Variants in BICC1 observed in about 807,000 individuals in gnomAD.
BICC1 encodes BicC family RNA binding protein 1, also known as protein bicaudal C homolog 1.
A neutral mutation model predicts 111.0 loss-of-function variants in BICC1; 43 were observed. The ratio of observed to expected loss-of-function variants is 0.39; its 90% CI spans 0.30 to 0.50. The LOEUF (loss-of-function observed/expected upper bound fraction) is 0.50. Among genes scored for constraint, BICC1 ranks in the 20% least tolerant of loss-of-function variants. The pLI is 0.88. For missense variants in BICC1, 1,091 were observed against 1,203.2 expected, an observed-to-expected ratio of 0.91 and a Z score of 1.38; for synonymous variants, 467 against 434.4, an observed-to-expected ratio of 1.07 and a Z score of -0.93.
chr10:58,547,734 T>C (rs1843179034), intron 1 of BICC1, among the ~76,000 whole-genome samples: 2 of 152,224 alleles, frequency 1.3e-5, no homozygotes, highest in Non-Finnish European at 2.9e-5. Flanking sequence ...AATACTTGTT[T>C]ATTTCATTGA....
intron 2 of BICC1, among the ~76,000 whole-genome samples, chr10:58,640,422 CT>C (rs559815508): frequency 4.1e-4 from 62 of 152,270 alleles, no homozygotes; most frequent in Admixed American, 2.6e-3. Context: ...TGCATTGTGG[CT>C]TTTTTACATG....
chr10:58,638,276 A>G (rs182262392), intron 2 of BICC1, among the ~76,000 whole-genome samples: 1 of 152,126 alleles, frequency 6.6e-6, no homozygotes, highest in Non-Finnish European at 1.5e-5. Flanking sequence ...TTAATGTTAT[A>G]GAAAATAACA....
chr10:58,740,077 T>C (rs577956881), intron 3 of BICC1, among the ~76,000 whole-genome samples: 1 of 152,168 alleles, frequency 6.6e-6, no homozygotes, highest in Non-Finnish European at 1.5e-5. Context: ...AGTTTCCTTA[T>C]ATGTAAAACA....
intron 10 of BICC1, among the ~76,000 whole-genome samples, chr10:58,797,423 A>G (rs1046665385): frequency 6.6e-6 from 1 of 152,078 alleles, no homozygotes; most frequent in Non-Finnish European, 1.5e-5. Context: ...ATGCTCTTAT[A>G]TGATTGATTT....
chr10:58,829,076 T>C lies in BICC1; in HGVS notation c.*185T>C, dbSNP rs1053677315. On this transcript the variant is annotated 3_prime_UTR_variant, in exon 21 of 21. Coordinates refer to ENST00000373886, the MANE Select transcript of BICC1 (RefSeq NM_001080512.3). ...GAGAGAAGATGTTCTTATGATGTCA[T>C]ACAGAACACCAAATATGGATTACTT... 1.0e-5 allele frequency: 6 copies of C among 587,082 alleles called. No homozygotes were observed. Among genetic ancestry groups the C allele is most frequent in the Non-Finnish European group, 1.7e-5 (6 of 357,568 alleles). The allele number at this position is 587,082 out of a possible 1,614,324, so 36.4% of individuals were successfully genotyped here.
intron 3 of BICC1, among the ~76,000 whole-genome samples, chr10:58,771,186 T>C (rs961128281): frequency 5.9e-5 from 9 of 151,758 alleles, no homozygotes; most frequent in Non-Finnish European, 1.0e-4. Flanking sequence ...AAAGAAAAAG[T>C]GATTGAGAAT....
chr10:58,802,264 A>G (rs189703655), intron 14 of BICC1, among the ~76,000 whole-genome samples: 26 of 152,254 alleles, frequency 1.7e-4, no homozygotes, highest in Admixed American at 1.4e-3. Flanking sequence ...GCCTCTGTCA[A>G]CTTTTGTCAA....
chr10:58,730,482 C>A (rs564924538), intron 3 of BICC1, among the ~76,000 whole-genome samples: 2 of 152,168 alleles, frequency 1.3e-5, no homozygotes, highest in Admixed American at 6.5e-5. Context: ...GGACAGTGGC[C>A]TTCTACTCAC....
chr10:58,795,109 G>T (rs1190412262), intron 9 of BICC1, among the ~76,000 whole-genome samples: 1 of 152,072 alleles, frequency 6.6e-6, no homozygotes, highest in East Asian at 1.9e-4. Flanking sequence ...CAAGGGAGAT[G>T]TTCTATTTAT....
chr10:58,791,629 A>G (rs1843180431), intron 8 of BICC1, among the ~76,000 whole-genome samples: 1 of 151,880 alleles, frequency 6.6e-6, no homozygotes, highest in Non-Finnish European at 1.5e-5. Context: ...AATCCCAGCT[A>G]CTCAAGAGGC....
At chr10:58,761,369 G>A (rs1842311926) in intron 3 of BICC1, among the ~76,000 whole-genome samples, 1 of 152,162 alleles carries the variant, frequency 6.6e-6, no homozygotes, top group African/African-American at 2.4e-5. Context: ...CGATGTGAGA[G>A]AAACACTAAG....
chr10:58,703,274 C>A (rs1377345072), intron 3 of BICC1, among the ~76,000 whole-genome samples: 2 of 142,012 alleles, frequency 1.4e-5, no homozygotes, highest in Non-Finnish European at 3.1e-5. Flanking sequence ...AAGCCATCCT[C>A]CCACCACAGA....
intron 2 of BICC1, among the ~76,000 whole-genome samples, chr10:58,652,117 A>G (rs1165611796): frequency 6.6e-6 from 1 of 152,198 alleles, no homozygotes; most frequent in Non-Finnish European, 1.5e-5. Flanking sequence ...TAGCTGGGTT[A>G]CTTAGGTCAT....
chr10:58,729,205 GT>G (rs1226155150), intron 3 of BICC1, among the ~76,000 whole-genome samples: 1 of 152,208 alleles, frequency 6.6e-6, no homozygotes. Flanking sequence ...ACAGAAGGCT[GT>G]TTTGTCTACG....
At chr10:58,682,882 G>T (rs958293284) in intron 2 of BICC1, among the ~76,000 whole-genome samples, 1 of 150,416 alleles carries the variant, frequency 6.6e-6, no homozygotes, top group African/African-American at 2.4e-5. Context: ...AAGATATTTA[G>T]TTTAATTAGA....
chr10:58,744,218 G>A (rs1269483334), intron 3 of BICC1, among the ~76,000 whole-genome samples: 2 of 151,926 alleles, frequency 1.3e-5, no homozygotes, highest in East Asian at 1.9e-4. Flanking sequence ...ATTGCTACCT[G>A]GAAAAAATAG....
chr10:58,781,777 T>C (rs546298918), intron 3 of BICC1, among the ~76,000 whole-genome samples: 1 of 152,306 alleles, frequency 6.6e-6, no homozygotes, highest in East Asian at 1.9e-4. Flanking sequence ...ATTTCAGGAA[T>C]TGAAATGAAT....
At chr10:58,814,639 CAA>C (rs1314693449) in intron 18 of BICC1, among the ~76,000 whole-genome samples, 2 of 112,226 alleles carry the variant, frequency 1.8e-5, no homozygotes, top group South Asian at 2.9e-4. Flanking sequence ...AAAAAAAAAA[CAA>C]GAGGCTGGGT....
intron 3 of BICC1, chr10:58,715,583 T>C: frequency 1.3e-6 from 2 of 1,594,562 alleles, no homozygotes; most frequent in South Asian, 2.2e-5. Context: ...GGGTGGCCTA[T>C]ATGCACCCAA....
Sources: gnomAD v4.1 joint callset for allele counts (sites outside exome capture counted in the v4.1 genomes callset) on GRCh38, gnomAD v4.1.1 for gene constraint, MANE v1.5 for transcripts, NCBI Gene and HGNC (gene_info 2026-07-23, HGNC 2026-07-21) for gene names.